HPSE2: variants seen among roughly 807,000 people sequenced by gnomAD.
HPSE2 encodes heparanase 2 (inactive), also known as inactive heparanase-2.
A neutral mutation model predicts 60.5 loss-of-function variants in HPSE2; 38 were observed. That is an observed-to-expected ratio of 0.63 (90% CI 0.48 to 0.82). HPSE2 has a LOEUF of 0.82. Ranked by LOEUF, HPSE2 falls within the 40% of genes least tolerant of loss-of-function variation. The pLI is 0.00. For synonymous variants in HPSE2, 295 were observed against 293.2 expected (o/e 1.01, Z -0.06); for missense variants, 713 against 740.4 (o/e 0.96, Z 0.43).
At chr10:98,877,630 G>A (rs1952913699) in intron 3 of HPSE2, among the ~76,000 whole-genome samples, 1 of 151,846 alleles carries the variant, frequency 6.6e-6, no homozygotes, top group African/African-American at 2.4e-5. Flanking sequence ...ACTAAGGAAT[G>A]TGACAAATAA....
At chr10:99,219,697 G>A (rs1849246238) in intron 2 of HPSE2, among the ~76,000 whole-genome samples, 1 of 152,194 alleles carries the variant, frequency 6.6e-6, no homozygotes, top group Admixed American at 6.5e-5. Flanking sequence ...ATAAAATGGA[G>A]ATGCCAACTT....
At chr10:98,921,860 G>GT (rs1954290432) in intron 3 of HPSE2, among the ~76,000 whole-genome samples, 1 of 152,120 alleles carries the variant, frequency 6.6e-6, no homozygotes, top group Non-Finnish European at 1.5e-5. Flanking sequence ...CTCTTTTAAA[G>GT]TAAGGGTTAG....
intron 2 of HPSE2, among the ~76,000 whole-genome samples, chr10:99,184,829 G>A (rs372833635): frequency 4.4e-5 from 2 of 45,356 alleles, no homozygotes; most frequent in Non-Finnish European, 5.5e-5. Context: ...TAGAGAGAGA[G>A]AGAGAGAGAG....
intron 9 of HPSE2, among the ~76,000 whole-genome samples, chr10:98,608,212 C>T (rs1483144976): frequency 6.6e-6 from 1 of 152,152 alleles, no homozygotes; most frequent in African/African-American, 2.4e-5. Flanking sequence ...CAAATACTTC[C>T]CTGTCTCTAA....
chr10:98,496,543 T>C (rs1271862295), intron 9 of HPSE2, among the ~76,000 whole-genome samples: 2 of 152,244 alleles, frequency 1.3e-5, no homozygotes, highest in Non-Finnish European at 2.9e-5. Flanking sequence ...CACAGCTACC[T>C]GCCATAGGGC....
Position 98,490,262 on chromosome 10 carries a change from GACAC to G in HPSE2, c.1321-70_1321-67del, listed in dbSNP as rs59184373. Reference sequence around the variant, plus strand: ...ATGCTCAGGTGTTCTGAGTAAACATGACACACACACACACACACACACACACACA... The same window carrying G: ...ATGCTCAGGTGTTCTGAGTAAACATGACACACACACACACACACACACACA... On this transcript the variant is annotated intron_variant, in intron 9 of 11. Transcript: ENST00000370552. 4.2e-3 allele frequency: 5,279 copies of G among 1,251,692 alleles called. 98 individuals carry two copies. The African/African-American group carries it at 0.062, about 15-fold the overall frequency. 77.5% of individuals were successfully genotyped at this position (1,251,692 alleles called of 1,614,324 possible).
chr10:99,199,414 G>A (rs1848504143), intron 2 of HPSE2, among the ~76,000 whole-genome samples: 1 of 151,950 alleles, frequency 6.6e-6, no homozygotes, highest in Non-Finnish European at 1.5e-5. Flanking sequence ...CTGATGATTA[G>A]TGATACTGAG....
chr10:98,745,152 C>T (rs982281980), intron 3 of HPSE2, among the ~76,000 whole-genome samples: 7 of 152,068 alleles, frequency 4.6e-5, no homozygotes, highest in Non-Finnish European at 1.5e-5. Context: ...CGGTAAGCCG[C>T]GATTGCGCCA....
intron 2 of HPSE2, among the ~76,000 whole-genome samples, chr10:99,186,830 G>A (rs1390271860): frequency 6.6e-6 from 1 of 152,054 alleles, no homozygotes; most frequent in Non-Finnish European, 1.5e-5. Context: ...AGGCTGGAGT[G>A]CAGTAACACA....
intron 4 of HPSE2, among the ~76,000 whole-genome samples, chr10:98,739,601 T>G: frequency 6.6e-6 from 1 of 152,196 alleles, no homozygotes; most frequent in East Asian, 1.9e-4. Context: ...ATCTCTGACT[T>G]TCTAAGGTCA....
Position 98,806,415 on chromosome 10 carries a change from A to G in HPSE2, c.611-62359T>C, listed in dbSNP as rs74543665. Among the ~76,000 whole-genome samples the G allele has an allele frequency of 8.2e-3, 1,243 of 152,288 alleles. 23 individuals carry two copies. The highest frequency in any genetic ancestry group is 0.029 in the African/African-American group (1,191 of 41,566). On this transcript the variant is annotated intron_variant, in intron 3 of 11. Coordinates refer to ENST00000370552, the MANE Select transcript of HPSE2 (RefSeq NM_021828.5). ...ATCATAAATATGTCACTATCAAAAT[A>G]CCACTACCCAGGGAGCTCGTGGAAT...
At chr10:98,713,415 G>A (rs1948720338) in intron 5 of HPSE2, among the ~76,000 whole-genome samples, 3 of 151,890 alleles carry the variant, frequency 2.0e-5, no homozygotes, top group Non-Finnish European at 4.4e-5. Flanking sequence ...AGGCAATCCA[G>A]GTTCTCTGAA....
At chr10:99,128,906 A>G (rs1204199848) in intron 3 of HPSE2, among the ~76,000 whole-genome samples, 2 of 152,192 alleles carry the variant, frequency 1.3e-5, no homozygotes, top group Non-Finnish European at 2.9e-5. Flanking sequence ...CAAGAGACTC[A>G]CCTAACACAT....
At chr10:98,956,210 A>C (rs528419188) in intron 3 of HPSE2, among the ~76,000 whole-genome samples, 1 of 152,242 alleles carries the variant, frequency 6.6e-6, no homozygotes. Context: ...GAAGATGAGG[A>C]CTCTTCCCAC....
At chr10:98,744,411 C>A (rs1424247842) in intron 3 of HPSE2, among the ~76,000 whole-genome samples, 1 of 152,074 alleles carries the variant, frequency 6.6e-6, no homozygotes, top group African/African-American at 2.4e-5. Flanking sequence ...CCTGTAGTCC[C>A]AGCTACTCAG....
At chr10:98,788,799 C>T (rs1041406266) in intron 3 of HPSE2, among the ~76,000 whole-genome samples, 9 of 151,096 alleles carry the variant, frequency 6.0e-5, no homozygotes, top group Admixed American at 1.3e-4. Context: ...CGCCCTGCTT[C>T]GGCTCGAGCA....
chr10:99,145,631 A>G (rs902402075), intron 2 of HPSE2, among the ~76,000 whole-genome samples: 7 of 152,196 alleles, frequency 4.6e-5, no homozygotes, highest in Admixed American at 3.3e-4. Context: ...CAAGTTTTGC[A>G]TAACAAAACT....
chr10:98,607,340 A>G (rs976212111), intron 9 of HPSE2, among the ~76,000 whole-genome samples: 12 of 152,166 alleles, frequency 7.9e-5, no homozygotes, highest in African/African-American at 2.9e-4. Context: ...GTAATCCCTC[A>G]GTATTGCAAT....
the HPSE2 span, among the ~76,000 whole-genome samples, chr10:99,252,737 C>T: frequency 2.7e-3 from 414 of 151,456 alleles, 2 homozygotes; most frequent in African/African-American, 9.5e-3. Context: ...ATTAGCTGGG[C>T]GTGGTGGCGG....
Sources: allele counts gnomAD v4.1 joint callset (sites outside exome capture counted in the v4.1 genomes callset), GRCh38; gene constraint gnomAD v4.1.1; transcripts MANE v1.5; gene names NCBI Gene and HGNC (gene_info 2026-07-23, HGNC 2026-07-21).